ADGRB3: variants seen among roughly 807,000 people sequenced by gnomAD.
ADGRB3 encodes adhesion G protein-coupled receptor B3.
In ADGRB3, 37 loss-of-function variants were observed where a neutral mutation model predicts 193.4. The observed-to-expected ratio is 0.19, with a 90% CI of 0.15 to 0.25. The LOEUF (loss-of-function observed/expected upper bound fraction) is 0.25, where lower values mean the gene tolerates loss of function less well. Among genes scored for constraint, ADGRB3 ranks in the 10% least tolerant of loss-of-function variants. The pLI, the probability that ADGRB3 is intolerant of heterozygous loss-of-function variation, is 1.00. For synonymous variants in ADGRB3, 690 were observed against 644.2 expected (o/e 1.07, Z -1.08); for missense variants, 1,637 against 1,852.9 (o/e 0.88, Z 2.14).
intron 11 of ADGRB3, among the ~76,000 whole-genome samples, chr6:69,004,661 G>A (rs1234018009): frequency 6.6e-6 from 1 of 151,016 alleles, no homozygotes; most frequent in East Asian, 2.0e-4. Flanking sequence ...AGAACATGCG[G>A]TGTTAAGGAC....
intron 3 of ADGRB3, among the ~76,000 whole-genome samples, chr6:68,771,411 C>T (rs1284166021): frequency 1.5e-5 from 2 of 130,900 alleles, no homozygotes; most frequent in Non-Finnish European, 1.7e-5. Flanking sequence ...CACACACACA[C>T]ATATATGTAT....
At chr6:68,757,175 T>C (rs922450090) in intron 3 of ADGRB3, among the ~76,000 whole-genome samples, 1 of 152,132 alleles carries the variant, frequency 6.6e-6, no homozygotes, top group African/African-American at 2.4e-5. Flanking sequence ...TCAACTCCTT[T>C]CTGAGCATAA....
intron 17 of ADGRB3, among the ~76,000 whole-genome samples, chr6:69,176,400 G>T (rs1220658160): frequency 6.6e-6 from 1 of 152,098 alleles, no homozygotes; most frequent in Non-Finnish European, 1.5e-5. Flanking sequence ...TGATTATATG[G>T]TTCTTGTTTT....
chr6:69,176,330 A>C (rs2150349667), intron 17 of ADGRB3, among the ~76,000 whole-genome samples: 1 of 152,320 alleles, frequency 6.6e-6, no homozygotes, highest in Middle Eastern at 3.4e-3. Context: ...TAGTTTCTTC[A>C]GAGCTTTGAT....
chr6:68,960,216 C>T (rs1768193783), intron 8 of ADGRB3, among the ~76,000 whole-genome samples: 1 of 152,128 alleles, frequency 6.6e-6, no homozygotes, highest in African/African-American at 2.4e-5. Context: ...TTTATTTATA[C>T]ATAAAATTTC....
chr6:69,254,396 G>T (rs1766702387), intron 20 of ADGRB3, among the ~76,000 whole-genome samples: 1 of 152,032 alleles, frequency 6.6e-6, no homozygotes. Context: ...GCATGAGCAT[G>T]CCTATTACTT....
intron 3 of ADGRB3, among the ~76,000 whole-genome samples, chr6:68,842,869 A>C (rs1188694113): frequency 6.6e-6 from 1 of 152,100 alleles, no homozygotes; most frequent in Non-Finnish European, 1.5e-5. Context: ...AGTTCAATGT[A>C]TGCAAATCAA....
intron 20 of ADGRB3, among the ~76,000 whole-genome samples, chr6:69,305,863 T>C (rs899677192): frequency 5.9e-5 from 9 of 151,464 alleles, no homozygotes; most frequent in Non-Finnish European, 2.9e-5. Context: ...AAACTGAAGA[T>C]TAAAAATACC....
chr6:69,215,420 AAAAG>A (rs1476901033), intron 17 of ADGRB3, among the ~76,000 whole-genome samples: 3 of 151,922 alleles, frequency 2.0e-5, no homozygotes, highest in South Asian at 4.2e-4. Context: ...GTAGCTTTAA[AAAAG>A]AAAGAAAAGA....
At chr6:69,249,904 T>C (rs1354216789) in intron 20 of ADGRB3, among the ~76,000 whole-genome samples, 1 of 152,228 alleles carries the variant, frequency 6.6e-6, no homozygotes, top group Non-Finnish European at 1.5e-5. Flanking sequence ...ATTTAAGATG[T>C]ATGAAATTCA....
At chr6:69,292,326 G>A (rs1032214268) in intron 20 of ADGRB3, among the ~76,000 whole-genome samples, 2 of 151,878 alleles carry the variant, frequency 1.3e-5, no homozygotes, top group Admixed American at 1.3e-4. Context: ...GAAGTATAGT[G>A]AGGGGCTGCA....
At chr6:68,885,060 C>T (rs954671370) in intron 3 of ADGRB3, among the ~76,000 whole-genome samples, 1 of 151,926 alleles carries the variant, frequency 6.6e-6, no homozygotes, top group African/African-American at 2.4e-5. Context: ...CTATAATAAG[C>T]AAAGTGTATG....
intron 3 of ADGRB3, among the ~76,000 whole-genome samples, chr6:68,687,820 T>C (rs1405863051): frequency 1.3e-5 from 2 of 152,192 alleles, no homozygotes; most frequent in African/African-American, 4.8e-5. Flanking sequence ...AATGAAAATG[T>C]ACTTTAATAT....
chr6:68,884,985 T>G (rs1177319426), intron 3 of ADGRB3, among the ~76,000 whole-genome samples: 5 of 152,160 alleles, frequency 3.3e-5, no homozygotes, highest in African/African-American at 9.7e-5. Flanking sequence ...GGTAGAGAGA[T>G]AAGTCACAAG....
At chr6:69,290,780 G>T (rs1767650274) in intron 20 of ADGRB3, among the ~76,000 whole-genome samples, 1 of 152,076 alleles carries the variant, frequency 6.6e-6, no homozygotes, top group Admixed American at 6.6e-5. Flanking sequence ...CAGACAGAAT[G>T]AAACTACTTA....
At chr6:69,121,238 T>G (rs2150329739) in intron 17 of ADGRB3, among the ~76,000 whole-genome samples, 1 of 152,202 alleles carries the variant, frequency 6.6e-6, no homozygotes, top group South Asian at 2.1e-4. Context: ...CAAGCATCTG[T>G]TTAACAAAGC....
At chr6:69,014,003 G>T in intron 11 of ADGRB3, 35 bp from the exon 12 acceptor site, 2 of 1,388,882 alleles carry the variant, frequency 1.4e-6, no homozygotes, top group Middle Eastern at 1.9e-4. Context: ...ATTCTCTCAT[G>T]TAATATTAAA....
chr6:68,662,293 T>C (rs890138468), intron 3 of ADGRB3, among the ~76,000 whole-genome samples: 14 of 151,524 alleles, frequency 9.2e-5, no homozygotes, highest in African/African-American at 2.7e-4. Context: ...TATGAAACCA[T>C]TGGAGAGGGG....
intron 3 of ADGRB3, among the ~76,000 whole-genome samples, chr6:68,773,855 G>A (rs920369725): frequency 6.6e-6 from 1 of 152,022 alleles, no homozygotes; most frequent in African/African-American, 2.4e-5. Flanking sequence ...GAAGAAGAAA[G>A]GCTCCTTGAG....
Sources: gnomAD v4.1 joint callset for allele counts (sites outside exome capture counted in the v4.1 genomes callset) on GRCh38, gnomAD v4.1.1 for gene constraint, MANE v1.5 for transcripts, NCBI Gene and HGNC (gene_info 2026-07-23, HGNC 2026-07-21) for gene names.